The following GREM2 variants were observed in gnomAD, a reference collection of about 807,000 sequenced individuals.
GREM2 encodes gremlin-2.
GREM2 carries 11 observed loss-of-function variants against 14.2 expected under a neutral mutation model. The ratio of observed to expected loss-of-function variants is 0.78; its 90% CI spans 0.49 to 1.28. GREM2 has a LOEUF of 1.28. Among genes scored for constraint, GREM2 ranks in the 50% most tolerant of loss-of-function variants. The pLI, the probability that GREM2 is intolerant of heterozygous loss-of-function variation, is 0.00. For missense variants in GREM2, 210 were observed against 218.5 expected, an observed-to-expected ratio of 0.96 and a Z score of 0.24; for synonymous variants, 98 against 97.6, an observed-to-expected ratio of 1.00 and a Z score of -0.02.
chr1:240,563,402 G>A (rs1456024565), intron 1 of GREM2, among the ~76,000 whole-genome samples: 1 of 152,176 alleles, frequency 6.6e-6, no homozygotes, highest in Non-Finnish European at 1.5e-5. Flanking sequence ...GTATGGAAGG[G>A]CAAGAAGTAA....
intron 1 of GREM2, among the ~76,000 whole-genome samples, chr1:240,493,753 A>G (rs1677333056): frequency 1.3e-5 from 2 of 151,808 alleles, no homozygotes; most frequent in South Asian, 4.2e-4. Flanking sequence ...CTGGTCTGGA[A>G]CTCCTGGCCT....
chr1:240,555,129 G>C (rs529304149), intron 1 of GREM2, among the ~76,000 whole-genome samples: 1 of 149,710 alleles, frequency 6.7e-6, no homozygotes, highest in East Asian at 2.0e-4. Context: ...TGGGCAACAA[G>C]AGAGAAACTC....
chr1:240,558,658 A>G (rs1327286472), intron 1 of GREM2, among the ~76,000 whole-genome samples: 1 of 152,054 alleles, frequency 6.6e-6, no homozygotes, highest in Admixed American at 6.6e-5. Flanking sequence ...ACGCCCTGTG[A>G]TTGGTTAGAC....
Position 240,539,467 on chromosome 1 carries a change from C to T in GREM2, c.-1-45991G>A, listed in dbSNP as rs546134282. ...CTTTCCCTTCCTGGACAGCCCCTTC[C>T]CAGAGCCCTAATTTTTCTTCTGTTA... On this transcript the variant is annotated intron_variant, in intron 1 of 1. Coordinates refer to ENST00000318160, the MANE Select transcript of GREM2 (RefSeq NM_022469.4). Among the ~76,000 whole-genome samples, 334 of 152,306 alleles carry T rather than the reference C, an allele frequency of 2.2e-3. 1 individual carries two copies. The highest frequency in any genetic ancestry group is 3.5e-3 in the Non-Finnish European group (238 of 68,008).
intron 1 of GREM2, among the ~76,000 whole-genome samples, chr1:240,546,439 A>G (rs1678720278): frequency 6.6e-6 from 1 of 151,964 alleles, no homozygotes. Flanking sequence ...CCAGTGCTAC[A>G]CTCACACCCA....
intron 1 of GREM2, among the ~76,000 whole-genome samples, chr1:240,522,793 G>A (rs1217691274): frequency 2.0e-5 from 3 of 152,066 alleles, no homozygotes; most frequent in Non-Finnish European, 2.9e-5. Flanking sequence ...CATCTATCTC[G>A]AAACAACCAA....
At chr1:240,496,183 G>T (rs537496092) in intron 1 of GREM2, among the ~76,000 whole-genome samples, 1 of 151,896 alleles carries the variant, frequency 6.6e-6, no homozygotes, top group South Asian at 2.1e-4. Context: ...GTGATCTGCC[G>T]GTCTCGGCCT....
At chr1:240,606,725 C>T (rs1450202020) in intron 1 of GREM2, among the ~76,000 whole-genome samples, 1 of 148,176 alleles carries the variant, frequency 6.7e-6, no homozygotes, top group African/African-American at 2.5e-5. Context: ...GTTGCCCAGG[C>T]TGGAGTGCAG....
chr1:240,518,793 A>T (rs1372230104), intron 1 of GREM2, among the ~76,000 whole-genome samples: 1 of 152,248 alleles, frequency 6.6e-6, no homozygotes. Context: ...GAAAATCTGC[A>T]TGCGTGGCTT....
chr1:240,516,389 C>G (rs1677958024), intron 1 of GREM2, among the ~76,000 whole-genome samples: 1 of 152,120 alleles, frequency 6.6e-6, no homozygotes, highest in Non-Finnish European at 1.5e-5. Context: ...AGTCTGTTTT[C>G]TCTTTATCAA....
intron 1 of GREM2, among the ~76,000 whole-genome samples, chr1:240,597,165 A>G (rs1042655110): frequency 6.6e-6 from 1 of 152,174 alleles, no homozygotes; most frequent in African/African-American, 2.4e-5. Flanking sequence ...CGTGGTTACG[A>G]TCCTTTAGAA....
chr1:240,605,609 A>G (rs376479215), intron 1 of GREM2, among the ~76,000 whole-genome samples: 1 of 152,134 alleles, frequency 6.6e-6, no homozygotes, highest in African/African-American at 2.4e-5. Context: ...ACTCTCCTGC[A>G]TCTCCTAAAT....
chr1:240,601,727 C>G (rs570847863), intron 1 of GREM2, among the ~76,000 whole-genome samples: 1 of 151,844 alleles, frequency 6.6e-6, no homozygotes, highest in Non-Finnish European at 1.5e-5. Context: ...GCCAACATGG[C>G]GAAACCCCGT....
chr1:240,590,909 C>T (rs1558175556), intron 1 of GREM2, among the ~76,000 whole-genome samples: 1 of 151,948 alleles, frequency 6.6e-6, no homozygotes, highest in Non-Finnish European at 1.5e-5. Flanking sequence ...TCTCAGCCTC[C>T]TGAGTGGGAT....
chr1:240,581,583 A>G (rs12137061), intron 1 of GREM2, among the ~76,000 whole-genome samples: 22,923 of 152,274 alleles, frequency 0.15, 2,012 homozygotes, highest in South Asian at 0.3. Context: ...ATTAATTTAT[A>G]CAAATCAATA....
chr1:240,561,225 A>C (rs2103350347), intron 1 of GREM2, among the ~76,000 whole-genome samples: 1 of 152,188 alleles, frequency 6.6e-6, no homozygotes, highest in South Asian at 2.1e-4. Flanking sequence ...TTTTTCTTGC[A>C]TACCCCATAG....
intron 1 of GREM2, among the ~76,000 whole-genome samples, chr1:240,497,865 T>G (rs1413794288): frequency 2.0e-5 from 3 of 152,144 alleles, no homozygotes; most frequent in African/African-American, 7.2e-5. Flanking sequence ...GTGATCTCAA[T>G]AGCCTCTTAA....
At chr1:240,583,266 C>CA (rs1679526013) in intron 1 of GREM2, among the ~76,000 whole-genome samples, 1 of 151,918 alleles carries the variant, frequency 6.6e-6, no homozygotes. Context: ...AAAAAAAGGG[C>CA]AAAAAAATGC....
intron 1 of GREM2, among the ~76,000 whole-genome samples, chr1:240,584,114 A>G (rs541121517): frequency 9.2e-5 from 14 of 152,308 alleles, no homozygotes; most frequent in Non-Finnish European, 1.2e-4. Flanking sequence ...GGAGAAAAAA[A>G]AAGAAAGCAA....
Sources: gnomAD v4.1 joint callset for allele counts (sites outside exome capture counted in the v4.1 genomes callset) on GRCh38, gnomAD v4.1.1 for gene constraint, MANE v1.5 for transcripts, NCBI Gene and HGNC (gene_info 2026-07-23, HGNC 2026-07-21) for gene names.